The following CLASP1 variants were observed in gnomAD, a reference collection of about 807,000 sequenced individuals.
CLASP1 encodes the protein CLIP-associating protein 1.
CLASP1 carries 38 observed loss-of-function variants against 192.3 expected under a neutral mutation model. The observed-to-expected ratio is 0.20, with a 90% CI of 0.15 to 0.26. The LOEUF is 0.26. Among genes scored for constraint, CLASP1 ranks in the 10% least tolerant of loss-of-function variants. The pLI is 1.00. For synonymous variants in CLASP1, 691 were observed against 712.8 expected (o/e 0.97, Z 0.49); for missense variants, 1,433 against 1,932.5 (o/e 0.74, Z 4.85).
rs1299949811 is a variant in CLASP1, at chr2:121,345,288, T to G, written c.4530+1750A>C. Among the ~76,000 whole-genome samples, 4 of 152,174 alleles carry G rather than the reference T, an allele frequency of 2.6e-5. No homozygotes were observed. The East Asian group carries it at 7.7e-4, about 29-fold the overall frequency. On this transcript the variant is annotated intron_variant, in intron 39 of 39. Transcript: ENST00000263710. ...AGGCGCTGGCTCCCGGTCAGGAATG[T>G]GGGTTCTGGACCCAAAGCTTCACCA... is the stretch of plus-strand genomic sequence containing the variant.
Position 121,421,066 on chromosome 2 carries a change from G to A in CLASP1, c.2213-2337C>T, listed in dbSNP as rs140428969. ...AAACTAATTGTCCGTTTATGATTTT[G>A]TGAAAATATGGCCATAGTTACCCTA... On this transcript the variant is annotated intron_variant, in intron 22 of 39. Transcript: ENST00000263710. Among the ~76,000 whole-genome samples the A allele has an allele frequency of 1.4e-3, 215 of 152,196 alleles. 1 individual carries two copies. The highest frequency in any genetic ancestry group is 6.8e-3 in the Middle Eastern group (2 of 294).
At chr2:121,370,752 G>A (rs1221088187) in intron 34 of CLASP1, among the ~76,000 whole-genome samples, 1 of 152,176 alleles carries the variant, frequency 6.6e-6, no homozygotes, top group Non-Finnish European at 1.5e-5. Context: ...CTGCAGCTCT[G>A]CCACTGCACT....
At chr2:121,379,641 A>G (rs1053946433) in intron 33 of CLASP1, among the ~76,000 whole-genome samples, 3 of 152,246 alleles carry the variant, frequency 2.0e-5, no homozygotes, top group African/African-American at 7.2e-5. Flanking sequence ...AGCCCATGCA[A>G]AAGAAAAAAA....
intron 2 of CLASP1, among the ~76,000 whole-genome samples, chr2:121,565,245 G>A (rs932017456): frequency 9.2e-5 from 14 of 152,228 alleles, no homozygotes; most frequent in Admixed American, 9.2e-4. Context: ...CTAGGCATGA[G>A]TTCCTCAGGG....
intron 37 of CLASP1, among the ~76,000 whole-genome samples, chr2:121,361,625 T>C (rs1445363090): frequency 1.3e-5 from 2 of 152,146 alleles, no homozygotes; most frequent in East Asian, 3.9e-4. Context: ...TCATTGGCTA[T>C]TGTTAGTGCA....
chr2:121,628,630 C>A (rs562871611), intron 1 of CLASP1, among the ~76,000 whole-genome samples: 6 of 151,374 alleles, frequency 4.0e-5, no homozygotes, highest in South Asian at 2.1e-4. Flanking sequence ...GTCAAGATCA[C>A]CCCACTGCAC....
At chr2:121,452,792 T>C (rs532028921) in intron 14 of CLASP1, among the ~76,000 whole-genome samples, 119 of 151,974 alleles carry the variant, frequency 7.8e-4, no homozygotes, top group Admixed American at 1.3e-3. Flanking sequence ...CTCTGTCAAA[T>C]AAACAAACAA....
chr2:121,557,370 G>A (rs1429882427), intron 2 of CLASP1, among the ~76,000 whole-genome samples: 1 of 152,146 alleles, frequency 6.6e-6, no homozygotes, highest in Non-Finnish European at 1.5e-5. Context: ...CGGATCACAA[G>A]GTCAGGAGTT....
intron 37 of CLASP1, among the ~76,000 whole-genome samples, chr2:121,354,335 A>G (rs774896965): frequency 5.3e-5 from 8 of 152,192 alleles, no homozygotes; most frequent in Non-Finnish European, 1.0e-4. Context: ...CCAGTCACCA[A>G]TTGTCTGAGG....
intron 14 of CLASP1, among the ~76,000 whole-genome samples, chr2:121,452,369 C>T (rs914882524): frequency 6.6e-6 from 1 of 152,148 alleles, no homozygotes; most frequent in Non-Finnish European, 1.5e-5. Context: ...TTCCTCCAAC[C>T]AACCAATAGA....
intron 22 of CLASP1, among the ~76,000 whole-genome samples, chr2:121,419,027 C>T (rs186295913): frequency 4.6e-5 from 7 of 152,252 alleles, no homozygotes; most frequent in Admixed American, 4.6e-4. Flanking sequence ...AACAAACTGT[C>T]ATCAGAAAAT....
intron 37 of CLASP1, among the ~76,000 whole-genome samples, chr2:121,359,811 C>T (rs1239600042): frequency 6.6e-6 from 1 of 152,176 alleles, no homozygotes; most frequent in African/African-American, 2.4e-5. Flanking sequence ...TGTCCAAATC[C>T]TTCATCTATC....
chr2:121,457,413 T>C lies in CLASP1; in HGVS notation c.1385+274A>G, dbSNP rs1310950118. Among the ~76,000 whole-genome samples the C allele has an allele frequency of 3.3e-5, 5 of 151,840 alleles. No homozygotes were observed. In the East Asian group the frequency reaches 9.6e-4, roughly 29 times the overall value. On this transcript the variant is annotated intron_variant, in intron 14 of 39. Coordinates refer to ENST00000263710, the Ensembl canonical transcript of CLASP1. ...ATGTACAGGGAGTCCTCTCCCCTTC[T>C]CCTTCTGCCACTAACACCCAAACTC...
chr2:121,648,065 C>G (rs1025815237), intron 1 of CLASP1, among the ~76,000 whole-genome samples: 1 of 152,188 alleles, frequency 6.6e-6, no homozygotes, highest in African/African-American at 2.4e-5. Flanking sequence ...ATATTCAATA[C>G]TCTGAGGCAC....
chr2:121,345,496 G>C (rs183804021), intron 39 of CLASP1, among the ~76,000 whole-genome samples: 2 of 152,316 alleles, frequency 1.3e-5, no homozygotes, highest in East Asian at 3.9e-4. Context: ...TTTTATAAAT[G>C]TAATTCCCTT....
In CLASP1 at chr2:121,401,505, T is replaced by C. The variant is rs757846787; in HGVS notation, c.2900+4A>G. 2.5e-6 allele frequency: 4 copies of C among 1,606,810 alleles called. No homozygotes were observed. The highest frequency in any genetic ancestry group is 8.5e-7 in the Non-Finnish European group (1 of 1,177,562). ...CAAAATGGACCTAACCCTTAAACAC[T>C]TACCTTGTGACATCTAGAGCCTTTT... is the stretch of plus-strand genomic sequence containing the variant. On this transcript the variant is annotated splice_donor_region_variant and intron_variant, in intron 28 of 39. Transcript: ENST00000263710.
At chr2:121,411,601 A>C (rs1340868257) in intron 23 of CLASP1, among the ~76,000 whole-genome samples, 1 of 152,176 alleles carries the variant, frequency 6.6e-6, no homozygotes, top group African/African-American at 2.4e-5. Context: ...TAGATAATAT[A>C]AGTTTTACCT....
intron 8 of CLASP1, among the ~76,000 whole-genome samples, chr2:121,489,420 C>G (rs2093171208): frequency 6.6e-6 from 1 of 152,128 alleles, no homozygotes; most frequent in African/African-American, 2.4e-5. Context: ...GATGTGTGCC[C>G]AATTCCCCAC....
chr2:121,567,004 A>AAG (rs1188867624), intron 2 of CLASP1, among the ~76,000 whole-genome samples: 2 of 152,150 alleles, frequency 1.3e-5, no homozygotes, highest in African/African-American at 4.8e-5. Context: ...AGTTCAGGGG[A>AAG]AGAGTTTGGG....
Sources: allele counts gnomAD v4.1 joint callset (sites outside exome capture counted in the v4.1 genomes callset), GRCh38; gene constraint gnomAD v4.1.1; transcripts MANE v1.5; gene names NCBI Gene and HGNC (gene_info 2026-07-23, HGNC 2026-07-21).